The following DOCK3 variants were observed in gnomAD, a reference collection of about 807,000 sequenced individuals.
DOCK3 encodes the protein dedicator of cytokinesis 3.
In DOCK3, 60 loss-of-function variants were observed where a neutral mutation model predicts 265.6. That is an observed-to-expected ratio of 0.23 (90% CI 0.18 to 0.28). The LOEUF (loss-of-function observed/expected upper bound fraction) is 0.28, where lower values mean the gene tolerates loss of function less well. Ranked by LOEUF, DOCK3 falls within the 10% of genes least tolerant of loss-of-function variation. The probability of loss-of-function intolerance (pLI) is 1.00; values close to 1 mark genes in which losing one functional copy is unlikely to be tolerated. For missense variants in DOCK3, 1,981 were observed against 2,594.3 expected (o/e 0.76, Z 5.14); for synonymous variants, 881 against 938.0 (o/e 0.94, Z 1.11).
intron 2 of DOCK3, among the ~76,000 whole-genome samples, chr3:50,798,424 T>A (rs963609877): frequency 6.6e-6 from 1 of 152,206 alleles, no homozygotes; most frequent in African/African-American, 2.4e-5. Flanking sequence ...AAAGGCCACC[T>A]ACAAATGAAA....
chr3:50,779,026 T>C (rs2041769272), intron 2 of DOCK3, among the ~76,000 whole-genome samples: 1 of 152,214 alleles, frequency 6.6e-6, no homozygotes, highest in Non-Finnish European at 1.5e-5. Context: ...CTTGAGATAC[T>C]TTGGTACAGA....
rs1413960492 is a variant in DOCK3 at position 51,064,585 on chromosome 3, C to T, written c.453C>T (p.Asp151=). ...AGCGGCACATCACCGTGCGCCTGGA[C>T]TGGGGTAATGAGTAAGTATGAAAAT... ...EVKRHITVRL[D]WGNEHLGLDL... Residue 151 remains aspartate (D), a synonymous_variant, in exon 6 of 53, where the codon GAC becomes GAT. Coordinates refer to ENST00000266037, the MANE Select transcript of DOCK3 (RefSeq NM_004947.5). The T allele has an allele frequency of 1.9e-6, 3 of 1,613,784 alleles. No homozygotes were observed. The highest frequency in any genetic ancestry group is 2.5e-6 in the Non-Finnish European group (3 of 1,179,790).
At chr3:51,376,724 A>G (rs894151670) in intron 51 of DOCK3, among the ~76,000 whole-genome samples, 4 of 152,200 alleles carry the variant, frequency 2.6e-5, no homozygotes, top group Non-Finnish European at 5.9e-5. Context: ...AGCTGTCATC[A>G]TCACGTTATC....
chr3:51,100,934 A>G (rs1221826118), intron 9 of DOCK3, among the ~76,000 whole-genome samples: 6 of 151,612 alleles, frequency 4.0e-5, no homozygotes, highest in Non-Finnish European at 1.5e-5. Context: ...AGCTTGGACT[A>G]CAGGTGCACG....
rs201707052 is a variant in DOCK3, at chr3:51,275,199, G to C, written c.2669G>C (p.Ser890Thr). Residue 890 changes from serine to threonine, a missense_variant, in exon 25 of 53, where the codon AGC becomes ACC. Transcript: ENST00000266037. ...AGCATCTTCTCCATCGTCAAGACCA[G>C]CTCTCTGGTAGTGGCCCCACACCCA... ...LGSIFSIVKT[S>T]SLEADVMEEV... The C allele has an allele frequency of 8.1e-6, 13 of 1,613,862 alleles. No individual in the cohort carries two copies. The highest frequency in any genetic ancestry group is 9.3e-6 in the Non-Finnish European group (11 of 1,179,864).
At chr3:50,841,738 C>CCTTTCT (rs1559710606) in intron 3 of DOCK3, 23 bp downstream of exon 3, 1 of 536,468 alleles carries the variant, frequency 1.9e-6, no homozygotes. Flanking sequence ...TTATTGTTAC[C>CCTTTCT]TTTTCTAATG....
chr3:51,228,916 T>G (rs2090438628), intron 18 of DOCK3, 84 bp downstream of exon 18: 6 of 1,455,694 alleles, frequency 4.1e-6, no homozygotes, highest in Admixed American at 4.6e-5. Flanking sequence ...AAGGGAGAGA[T>G]AAATTATTCC....
chr3:51,098,818 C>T (rs1392459357), intron 9 of DOCK3, among the ~76,000 whole-genome samples: 4 of 152,170 alleles, frequency 2.6e-5, no homozygotes, highest in Admixed American at 6.5e-5. Flanking sequence ...GGAGCTGGTA[C>T]CTTGTCTCTG....
Position 51,318,651 on chromosome 3 carries a change from G to A in DOCK3, c.3402+3523G>A, listed in dbSNP as rs181072511. Among the ~76,000 whole-genome samples the A allele has an allele frequency of 3.3e-5, 5 of 151,856 alleles. No individual in the cohort carries two copies. The East Asian group carries it at 9.7e-4, about 29-fold the overall frequency. On this transcript the variant is annotated intron_variant, in intron 32 of 52. Transcript: ENST00000266037. ...AGCATTTCAAAAAATTGTTCTACAT[G>A]AACTTGAAAACAATGGGTATTCTGT...
At chr3:51,018,800 C>T (rs1450293830) in intron 5 of DOCK3, among the ~76,000 whole-genome samples, 2 of 151,994 alleles carry the variant, frequency 1.3e-5, no homozygotes, top group East Asian at 3.9e-4. Context: ...TATGAATGCT[C>T]ATCCTGTATC....
At chr3:51,114,808 C>T (rs994157220) in intron 9 of DOCK3, among the ~76,000 whole-genome samples, 3 of 151,950 alleles carry the variant, frequency 2.0e-5, no homozygotes, top group African/African-American at 7.3e-5. Context: ...CCCCTTGCCC[C>T]CCAACCCCCA....
intron 3 of DOCK3, among the ~76,000 whole-genome samples, chr3:50,857,284 T>C (rs2046647526): frequency 6.6e-6 from 1 of 152,240 alleles, no homozygotes; most frequent in Non-Finnish European, 1.5e-5. Context: ...AGAATTCGGC[T>C]GTGAATCTGC....
At chr3:50,957,765 C>G (rs2076768489) in intron 5 of DOCK3, among the ~76,000 whole-genome samples, 2 of 152,190 alleles carry the variant, frequency 1.3e-5, no homozygotes, top group South Asian at 4.1e-4. Context: ...TGGTACATGA[C>G]AGATTGTTTG....
At chr3:50,893,361 C>A in intron 4 of DOCK3, 1 of 163,684 alleles carries the variant, frequency 6.1e-6, no homozygotes, top group South Asian at 1.3e-4. Context: ...ATACAGGCAA[C>A]TAAATTAAAT....
intron 12 of DOCK3, among the ~76,000 whole-genome samples, chr3:51,187,204 C>G (rs184222802): frequency 6.6e-6 from 1 of 152,338 alleles, no homozygotes; most frequent in African/African-American, 2.4e-5. Flanking sequence ...CTTGCATCAG[C>G]GTGACCTGGA....
intron 2 of DOCK3, among the ~76,000 whole-genome samples, chr3:50,835,569 A>G (rs888085183): frequency 2.6e-5 from 4 of 152,226 alleles, no homozygotes; most frequent in Non-Finnish European, 5.9e-5. Context: ...CTCATATCCT[A>G]CATAGAACAC....
chr3:51,249,501 T>TG (rs1378576760), intron 22 of DOCK3, among the ~76,000 whole-genome samples: 12 of 58,328 alleles, frequency 2.1e-4, no homozygotes, highest in African/African-American at 5.6e-4. Context: ...GGGAGGGAGG[T>TG]GGGGGGGTCA....
At chr3:50,994,081 A>G (rs988442058) in intron 5 of DOCK3, among the ~76,000 whole-genome samples, 2 of 152,170 alleles carry the variant, frequency 1.3e-5, no homozygotes, top group African/African-American at 2.4e-5. Context: ...CGTAGCATTG[A>G]TATTGGACTG....
intron 1 of DOCK3, among the ~76,000 whole-genome samples, chr3:50,746,359 A>G (rs1190080320): frequency 2.0e-5 from 3 of 152,096 alleles, no homozygotes; most frequent in Admixed American, 2.0e-4. Context: ...TGCCCACCTC[A>G]GCCCCACAAA....
Sources: gnomAD v4.1 joint callset for allele counts (sites outside exome capture counted in the v4.1 genomes callset) on GRCh38, gnomAD v4.1.1 for gene constraint, MANE v1.5 for transcripts, NCBI Gene and HGNC (gene_info 2026-07-23, HGNC 2026-07-21) for gene names.